STPG2: variants seen among roughly 807,000 people sequenced by gnomAD.
STPG2 encodes sperm-tail PG-rich repeat-containing protein 2.
A neutral mutation model predicts 54.2 loss-of-function variants in STPG2; 56 were observed. That is an observed-to-expected ratio of 1.03 (90% CI 0.83 to 1.29). The LOEUF is 1.29. Among genes scored for constraint, STPG2 ranks in the 50% most tolerant of loss-of-function variants. STPG2 has a pLI of 0.00. For synonymous variants in STPG2, 200 were observed against 181.8 expected (o/e 1.10, Z -0.81); for missense variants, 596 against 544.9 (o/e 1.09, Z -0.93).
At chr4:97,742,347 TA>T (rs1725271948) in intron 9 of STPG2, among the ~76,000 whole-genome samples, 1 of 151,322 alleles carries the variant, frequency 6.6e-6, no homozygotes, top group African/African-American at 2.4e-5. Context: ...ACATGTACCC[TA>T]AAACTTAAAG....
chr4:97,805,496 C>G (rs939804432), intron 9 of STPG2, among the ~76,000 whole-genome samples: 6 of 152,158 alleles, frequency 3.9e-5, no homozygotes, highest in African/African-American at 1.4e-4. Flanking sequence ...CAGGCGTGAG[C>G]CACCGCACCC....
intron 7 of STPG2, among the ~76,000 whole-genome samples, chr4:97,953,223 A>G (rs1451264539): frequency 2.0e-5 from 3 of 152,186 alleles, no homozygotes; most frequent in African/African-American, 7.2e-5. Context: ...ATGGAGGAGC[A>G]TATCTGCCTC....
At chr4:98,004,888 C>T (rs1034932349) in intron 5 of STPG2, among the ~76,000 whole-genome samples, 3 of 151,364 alleles carry the variant, frequency 2.0e-5, no homozygotes, top group Non-Finnish European at 4.4e-5. Context: ...GGATATTAAG[C>T]CCTTATCAGA....
chr4:97,882,344 AG>A (rs1560569489), intron 8 of STPG2, among the ~76,000 whole-genome samples: 1 of 152,204 alleles, frequency 6.6e-6, no homozygotes, highest in East Asian at 1.9e-4. Flanking sequence ...AACTCCACCC[AG>A]GTCATTCTCC....
intron 8 of STPG2, among the ~76,000 whole-genome samples, chr4:97,864,236 C>G (rs774636886): frequency 4.1e-4 from 62 of 152,144 alleles, no homozygotes; most frequent in Non-Finnish European, 6.9e-4. Context: ...AGCTGATAAG[C>G]AACTTCAGCA....
intron 5 of STPG2, among the ~76,000 whole-genome samples, chr4:98,084,617 AT>A (rs1178744500): frequency 6.6e-6 from 1 of 152,156 alleles, no homozygotes; most frequent in Non-Finnish European, 1.5e-5. Context: ...TGCTATGAGT[AT>A]TTGATATTTC....
intron 8 of STPG2, among the ~76,000 whole-genome samples, chr4:97,842,400 T>C (rs1578612885): frequency 6.6e-6 from 1 of 151,894 alleles, no homozygotes; most frequent in East Asian, 1.9e-4. Flanking sequence ...CTCTATGGTA[T>C]GTGAAAAGAA....
intron 7 of STPG2, among the ~76,000 whole-genome samples, chr4:97,968,185 C>T (rs1734186473): frequency 6.6e-6 from 1 of 152,102 alleles, no homozygotes; most frequent in African/African-American, 2.4e-5. Flanking sequence ...GATATCACCA[C>T]CAACCCCACA....
intron 9 of STPG2, among the ~76,000 whole-genome samples, chr4:97,808,916 A>T (rs968015532): frequency 1.3e-5 from 2 of 152,064 alleles, no homozygotes; most frequent in Non-Finnish European, 2.9e-5. Flanking sequence ...CAGGAAGTTA[A>T]AATAATTAAT....
At chr4:98,117,581 T>C (rs1453257482) in intron 3 of STPG2, among the ~76,000 whole-genome samples, 1 of 152,018 alleles carries the variant, frequency 6.6e-6, no homozygotes, top group Non-Finnish European at 1.5e-5. Flanking sequence ...CAGTGTCCCC[T>C]AGATCTCTGA....
At chr4:97,976,844 A>G (rs1159410512) in intron 6 of STPG2, among the ~76,000 whole-genome samples, 3 of 152,196 alleles carry the variant, frequency 2.0e-5, no homozygotes, top group African/African-American at 7.2e-5. Context: ...TATTTGTAAT[A>G]TACTAGACCA....
At chr4:98,137,594 C>A (rs1035784478) in intron 1 of STPG2, among the ~76,000 whole-genome samples, 4 of 151,652 alleles carry the variant, frequency 2.6e-5, no homozygotes, top group Non-Finnish European at 4.4e-5. Context: ...CTAAGGTAAT[C>A]TGAGATAAAT....
intron 10 of STPG2, among the ~76,000 whole-genome samples, chr4:97,583,086 T>C (rs1014840433): frequency 6.6e-6 from 1 of 152,008 alleles, no homozygotes; most frequent in African/African-American, 2.4e-5. Context: ...TGTCAACTTG[T>C]AAGCAAATGT....
chr4:97,985,344 G>A (rs1365524465), intron 5 of STPG2, among the ~76,000 whole-genome samples: 1 of 152,100 alleles, frequency 6.6e-6, no homozygotes, highest in East Asian at 1.9e-4. Context: ...TGGCACTTGG[G>A]TATCAGAATG....
intron 7 of STPG2, among the ~76,000 whole-genome samples, chr4:97,950,214 T>C (rs1299466172): frequency 2.0e-5 from 3 of 152,124 alleles, no homozygotes; most frequent in Non-Finnish European, 4.4e-5. Flanking sequence ...TTATACTTTC[T>C]CTTATTCCTC....
intron 10 of STPG2, among the ~76,000 whole-genome samples, chr4:97,616,935 T>A (rs1733888781): frequency 6.6e-6 from 1 of 152,100 alleles, no homozygotes; most frequent in African/African-American, 2.4e-5. Flanking sequence ...TCATGAAGTT[T>A]AAAAACATAA....
At chr4:97,574,926 A>G (rs1157904116) in intron 10 of STPG2, among the ~76,000 whole-genome samples, 2 of 152,074 alleles carry the variant, frequency 1.3e-5, no homozygotes, top group African/African-American at 4.8e-5. Flanking sequence ...AGGTCCAAAT[A>G]AGGACAATCA....
chr4:97,865,225 A>T (rs375311496), intron 8 of STPG2, among the ~76,000 whole-genome samples: 1 of 151,818 alleles, frequency 6.6e-6, no homozygotes, highest in African/African-American at 2.4e-5. Flanking sequence ...GAATCTACAA[A>T]GAACTCAAAC....
At chr4:98,102,597 T>C (rs1013511543) in intron 5 of STPG2, among the ~76,000 whole-genome samples, 1 of 152,038 alleles carries the variant, frequency 6.6e-6, no homozygotes, top group Admixed American at 6.6e-5. Context: ...TTCTGAACAT[T>C]ACCCTATTAA....
Sources: allele counts gnomAD v4.1 joint callset (sites outside exome capture counted in the v4.1 genomes callset), GRCh38; gene constraint gnomAD v4.1.1; transcripts MANE v1.5; gene names NCBI Gene and HGNC (gene_info 2026-07-23, HGNC 2026-07-21).